Variants in CELF2 observed in about 807,000 individuals in gnomAD.
CELF2 encodes the protein CUGBP Elav-like family member 2, also known as CUG triplet repeat RNA-binding protein 2.
In CELF2, 8 loss-of-function variants were observed where a neutral mutation model predicts 62.6. The ratio of observed to expected loss-of-function variants is 0.13; its 90% CI spans 0.07 to 0.23. The LOEUF is 0.23. CELF2 is among the 10% of genes least tolerant of loss of function. CELF2 has a pLI of 1.00. For missense variants in CELF2, 333 were observed against 671.0 expected, an observed-to-expected ratio of 0.50 and a Z score of 5.56; for synonymous variants, 258 against 250.0, an observed-to-expected ratio of 1.03 and a Z score of -0.30.
At chr10:11,138,139 A>G (rs560849591) in intron 1 of CELF2, among the ~76,000 whole-genome samples, 29 of 152,362 alleles carry the variant, frequency 1.9e-4, no homozygotes, top group Middle Eastern at 3.4e-3. Flanking sequence ...AATTAGCACA[A>G]TGTGAAACTA....
At chr10:11,054,771 G>C (rs2064838689) in intron 1 of CELF2, among the ~76,000 whole-genome samples, 1 of 152,188 alleles carries the variant, frequency 6.6e-6, no homozygotes, top group Non-Finnish European at 1.5e-5. Context: ...CTCAAGTGCA[G>C]TGGTACAATC....
intron 9 of CELF2, among the ~76,000 whole-genome samples, chr10:11,304,494 G>A (rs1458570708): frequency 6.6e-6 from 1 of 152,240 alleles, no homozygotes; most frequent in Non-Finnish European, 1.5e-5. Flanking sequence ...GGTCAAGGCA[G>A]TGCATCTGGT....
At chr10:10,838,043 T>A (rs1001643993) in intron 1 of CELF2, among the ~76,000 whole-genome samples, 1 of 152,230 alleles carries the variant, frequency 6.6e-6, no homozygotes, top group African/African-American at 2.4e-5. Context: ...CTGTTCCCGA[T>A]TCCATCCAGG....
intron 2 of CELF2, among the ~76,000 whole-genome samples, chr10:11,205,492 C>T (rs1030773653): frequency 3.9e-5 from 6 of 152,136 alleles, no homozygotes; most frequent in East Asian, 3.8e-4. Context: ...CATTTTCATA[C>T]GTTGTTTGGC....
chr10:11,284,468 T>A (rs62650663), intron 8 of CELF2, among the ~76,000 whole-genome samples: 3 of 100,592 alleles, frequency 3.0e-5, no homozygotes, highest in East Asian at 2.8e-4. Context: ...GGGATGAGTG[T>A]GTGGTGGGTG....
intron 1 of CELF2, among the ~76,000 whole-genome samples, chr10:10,854,041 C>T (rs2059560471): frequency 2.6e-5 from 4 of 152,162 alleles, no homozygotes; most frequent in Non-Finnish European, 4.4e-5. Context: ...TAAACATGAA[C>T]TCTCATTTAA....
chr10:11,063,911 GC>G (rs1272949819), intron 1 of CELF2, among the ~76,000 whole-genome samples: 13 of 152,164 alleles, frequency 8.5e-5, no homozygotes, highest in Admixed American at 7.9e-4. Flanking sequence ...GTGGATTGAT[GC>G]CTTTTGCGTT....
chr10:10,926,203 A>C (rs1324238320), intron 2 of CELF2, among the ~76,000 whole-genome samples: 1 of 151,688 alleles, frequency 6.6e-6, no homozygotes, highest in Non-Finnish European at 1.5e-5. Context: ...CTGGAAACCT[A>C]CTCCTCAATG....
upstream of CELF2, among the ~76,000 whole-genome samples, chr10:10,795,846 G>A (rs2054108568): frequency 6.6e-6 from 1 of 151,938 alleles, no homozygotes; most frequent in African/African-American, 2.4e-5. Flanking sequence ...TTGGGAAGTG[G>A]GTTTCAAACG....
chr10:10,484,915 ATGAAAATATCCCTTTTGT>A, the CELF2 span, among the ~76,000 whole-genome samples: 2 of 152,174 alleles, frequency 1.3e-5, no homozygotes, highest in Admixed American at 6.5e-5. Context: ...ATATTTTCCA[ATGAAAATATCCCTTTTGT>A]TGAATTTCTC....
At chr10:11,313,772 TACTC>T (rs1251672642) in intron 9 of CELF2, among the ~76,000 whole-genome samples, 1 of 149,300 alleles carries the variant, frequency 6.7e-6, no homozygotes, top group Non-Finnish European at 1.5e-5. Flanking sequence ...AGGCCCATCT[TACTC>T]ATGCCCATAG....
At chr10:10,500,468 G>A in the CELF2 span, among the ~76,000 whole-genome samples, 307 of 152,226 alleles carry the variant, frequency 2.0e-3, no homozygotes, top group Admixed American at 3.5e-3. Flanking sequence ...TCTCATGATC[G>A]TGAATAAGTC....
At chr10:10,904,048 C>T (rs374804606) in intron 1 of CELF2, among the ~76,000 whole-genome samples, 23 of 152,300 alleles carry the variant, frequency 1.5e-4, no homozygotes, top group East Asian at 5.8e-4. Flanking sequence ...CTGTGGATCA[C>T]GCTGCTGTGT....
intron 2 of CELF2, among the ~76,000 whole-genome samples, chr10:10,977,691 G>A (rs886438787): frequency 1.3e-5 from 2 of 152,322 alleles, no homozygotes; most frequent in East Asian, 1.9e-4. Context: ...AATTTGGTAC[G>A]TTTTGTACAT....
At position 10,928,565 on chromosome 10, in the gene CELF2, C is replaced by T. The variant is rs1252484959; in HGVS notation, c.89+8566C>T. ...CTGTACCATTTTTGTGCTACAACATCACAGTTGAGTAGCTGTGGCAGAGAC... is the reference window on the plus strand; with the variant it reads ...CTGTACCATTTTTGTGCTACAACATTACAGTTGAGTAGCTGTGGCAGAGAC... On this transcript the variant is annotated intron_variant, in intron 2 of 13. Coordinates refer to the CELF2 transcript ENST00000636488. The surrounding 1 kb of genome is among the most constrained non-coding windows in gnomAD (Gnocchi z 4.8). Among the ~76,000 whole-genome samples, 1 of 152,130 alleles carries T rather than the reference C, an allele frequency of 6.6e-6. No individual in the cohort carries two copies. The highest frequency in any genetic ancestry group is 1.5e-5 in the Non-Finnish European group (1 of 68,032).
chr10:10,647,934 C>T, the CELF2 span, among the ~76,000 whole-genome samples: 108 of 152,274 alleles, frequency 7.1e-4, 1 homozygote, highest in African/African-American at 2.4e-3. Context: ...TCCATTGTTA[C>T]GGGAGAGAAA....
chr10:10,958,082 T>A (rs1197955333), intron 2 of CELF2, among the ~76,000 whole-genome samples: 1 of 152,184 alleles, frequency 6.6e-6, no homozygotes, highest in Non-Finnish European at 1.5e-5. Flanking sequence ...ATCAAAGAAA[T>A]GTTTAGACTA....
chr10:11,325,703 C>T, intron 11 of CELF2, 133 bp from the exon 12 acceptor site: 1 of 756,260 alleles, frequency 1.3e-6, no homozygotes, highest in South Asian at 2.1e-5. Context: ...CACTCCAGCA[C>T]TTGACATTTA....
chr10:11,210,079 G>A (rs1169858307), intron 2 of CELF2, among the ~76,000 whole-genome samples: 2 of 152,204 alleles, frequency 1.3e-5, no homozygotes, highest in Non-Finnish European at 2.9e-5. Context: ...CAGCCCCTTA[G>A]AATTCAAAGG....
Sources: gnomAD v4.1 joint callset for allele counts (sites outside exome capture counted in the v4.1 genomes callset) on GRCh38, gnomAD v4.1.1 for gene constraint, Gnocchi (gnomAD v3.1) non-coding constraint, MANE v1.5 for transcripts, NCBI Gene and HGNC (gene_info 2026-07-23, HGNC 2026-07-21) for gene names.